Variants in GRIP1 observed in about 807,000 individuals in gnomAD.
GRIP1 encodes the protein glutamate receptor-interacting protein 1.
Under a neutral mutation model 129.9 loss-of-function variants are expected in GRIP1, and 45 were observed. That is an observed-to-expected ratio of 0.35 (90% CI 0.27 to 0.44). The LOEUF (loss-of-function observed/expected upper bound fraction) is 0.44, where lower values mean the gene tolerates loss of function less well. Ranked by LOEUF, GRIP1 falls within the 20% of genes least tolerant of loss-of-function variation. GRIP1 has a pLI of 1.00. For synonymous variants in GRIP1, 530 were observed against 520.8 expected (o/e 1.02, Z -0.24); for missense variants, 1,196 against 1,396.8 (o/e 0.86, Z 2.29).
intron 1 of GRIP1, among the ~76,000 whole-genome samples, chr12:66,883,345 T>C (rs2040511273): frequency 6.6e-6 from 1 of 152,198 alleles, no homozygotes; most frequent in Non-Finnish European, 1.5e-5. Context: ...GATCATGTTT[T>C]TTCATCTTCA....
At chr12:66,669,903 C>T (rs1263380226) in intron 1 of GRIP1, among the ~76,000 whole-genome samples, 1 of 152,032 alleles carries the variant, frequency 6.6e-6, no homozygotes, top group African/African-American at 2.4e-5. Context: ...TATTCATTAC[C>T]TCCGTTTTTA....
chr12:66,428,223 A>G (rs1354601216), intron 14 of GRIP1, among the ~76,000 whole-genome samples: 2 of 152,236 alleles, frequency 1.3e-5, no homozygotes, highest in African/African-American at 4.8e-5. Context: ...ATTCAGCTTT[A>G]CTTTAATTGC....
intron 1 of GRIP1, among the ~76,000 whole-genome samples, chr12:66,668,245 T>A (rs2033899176): frequency 6.6e-6 from 1 of 152,210 alleles, no homozygotes; most frequent in South Asian, 2.1e-4. Context: ...ACTCTGATAC[T>A]TTCTGAGTCT....
intron 1 of GRIP1, among the ~76,000 whole-genome samples, chr12:66,756,101 T>C (rs1433359731): frequency 1.3e-5 from 2 of 152,186 alleles, no homozygotes; most frequent in Non-Finnish European, 2.9e-5. Context: ...CAGTGTTAAG[T>C]ATATTTACAT....
intron 1 of GRIP1, among the ~76,000 whole-genome samples, chr12:66,638,955 G>T (rs1321548851): frequency 1.3e-5 from 2 of 152,138 alleles, no homozygotes; most frequent in African/African-American, 2.4e-5. Context: ...TTGTGAAATG[G>T]GGATTAGTTT....
intron 1 of GRIP1, among the ~76,000 whole-genome samples, chr12:67,036,336 CTT>C (rs71436032): frequency 6.4e-4 from 94 of 146,000 alleles, no homozygotes; most frequent in African/African-American, 7.3e-4. Context: ...ATAAGGATGT[CTT>C]TTTTTTTTTT....
chr12:66,841,358 A>C (rs1347576543), intron 1 of GRIP1, among the ~76,000 whole-genome samples: 1 of 152,222 alleles, frequency 6.6e-6, no homozygotes, highest in Non-Finnish European at 1.5e-5. Flanking sequence ...ACAGTCATGT[A>C]ATAAAAGATG....
intron 1 of GRIP1, among the ~76,000 whole-genome samples, chr12:66,699,178 T>A (rs1432074365): frequency 6.6e-6 from 1 of 152,126 alleles, no homozygotes; most frequent in Non-Finnish European, 1.5e-5. Context: ...CCTTTACTCT[T>A]AAGGAGGGTA....
At chr12:66,416,569 A>T (rs2057611613) in intron 15 of GRIP1, among the ~76,000 whole-genome samples, 1 of 152,212 alleles carries the variant, frequency 6.6e-6, no homozygotes, top group South Asian at 2.1e-4. Flanking sequence ...GAGATGAAAA[A>T]GGAGACATTA....
At chr12:66,688,999 T>C (rs372244950) in intron 1 of GRIP1, among the ~76,000 whole-genome samples, 2 of 152,128 alleles carry the variant, frequency 1.3e-5, no homozygotes, top group African/African-American at 4.8e-5. Context: ...CAAGTACACC[T>C]TCCCTTTCAG....
chr12:66,410,002 G>C (rs797020040), intron 15 of GRIP1, among the ~76,000 whole-genome samples: 2 of 152,034 alleles, frequency 1.3e-5, no homozygotes, highest in African/African-American at 4.8e-5. Context: ...TGTAATCCCA[G>C]CACTTTGGGA....
intron 1 of GRIP1, among the ~76,000 whole-genome samples, chr12:66,898,986 A>T (rs974093255): frequency 1.3e-5 from 2 of 152,172 alleles, no homozygotes; most frequent in Non-Finnish European, 2.9e-5. Flanking sequence ...TGACAGCATC[A>T]GTATCTTCTT....
chr12:66,813,167 G>A (rs1350655662), intron 1 of GRIP1, among the ~76,000 whole-genome samples: 3 of 152,130 alleles, frequency 2.0e-5, no homozygotes, highest in Admixed American at 1.3e-4. Flanking sequence ...TCTGGTGAAG[G>A]CCTCAGGGAG....
At chr12:66,465,150 T>TG in intron 8 of GRIP1, 125 bp downstream of exon 8, 1 of 698,158 alleles carries the variant, frequency 1.4e-6, no homozygotes, top group Non-Finnish European at 2.5e-6. Flanking sequence ...TTCACCATGT[T>TG]GGCCAAGCTG....
intron 1 of GRIP1, among the ~76,000 whole-genome samples, chr12:66,840,274 G>C (rs552383679): frequency 6.6e-6 from 1 of 152,244 alleles, no homozygotes; most frequent in Admixed American, 6.5e-5. Flanking sequence ...CATCTCCAAA[G>C]TTATTATTTC....
intron 1 of GRIP1, among the ~76,000 whole-genome samples, chr12:66,765,622 T>C (rs1009656762): frequency 2.6e-5 from 4 of 152,220 alleles, no homozygotes; most frequent in African/African-American, 4.8e-5. Flanking sequence ...TCACACTCCA[T>C]GGTAGCTTCA....
At chr12:66,965,521 T>C (rs1013905293) in intron 1 of GRIP1, among the ~76,000 whole-genome samples, 3 of 151,418 alleles carry the variant, frequency 2.0e-5, no homozygotes, top group African/African-American at 7.3e-5. Context: ...TTTTTCTACA[T>C]GCTTCTTAGG....
intron 1 of GRIP1, among the ~76,000 whole-genome samples, chr12:67,064,622 T>A (rs965254535): frequency 6.6e-6 from 1 of 152,202 alleles, no homozygotes; most frequent in Non-Finnish European, 1.5e-5. Flanking sequence ...AATTCCACAT[T>A]GGACTTTTTG....
intron 1 of GRIP1, among the ~76,000 whole-genome samples, chr12:66,958,920 C>T (rs1477070461): frequency 1.3e-5 from 2 of 152,170 alleles, no homozygotes; most frequent in Non-Finnish European, 2.9e-5. Context: ...ACCCCACACA[C>T]TCTCCAGCAT....
Sources: allele counts gnomAD v4.1 joint callset (sites outside exome capture counted in the v4.1 genomes callset), GRCh38; gene constraint gnomAD v4.1.1; transcripts MANE v1.5; gene names NCBI Gene and HGNC (gene_info 2026-07-23, HGNC 2026-07-21).